SORCS2: variants seen among roughly 807,000 people sequenced by gnomAD.
SORCS2 encodes the protein VPS10 domain-containing receptor SorCS2.
Under a neutral mutation model 141.6 loss-of-function variants are expected in SORCS2, and 100 were observed. The ratio of observed to expected loss-of-function variants is 0.71; its 90% confidence interval spans 0.60 to 0.83. The LOEUF (loss-of-function observed/expected upper bound fraction) is 0.83, where lower values mean the gene tolerates loss of function less well. Among genes scored for constraint, SORCS2 ranks in the 40% least tolerant of loss-of-function variants. SORCS2 has a pLI of 0.00. For missense variants in SORCS2, 1,646 were observed against 1,560.2 expected, an observed-to-expected ratio of 1.05 and a Z score of -0.93; for synonymous variants, 789 against 676.9, an observed-to-expected ratio of 1.17 and a Z score of -2.57.
chr4:7,525,000 C>G (rs1215284109), intron 2 of SORCS2, among the ~76,000 whole-genome samples: 2 of 152,250 alleles, frequency 1.3e-5, no homozygotes, highest in Admixed American at 1.3e-4. Flanking sequence ...GGGAGCTTAA[C>G]TCGGGTCCTC....
chr4:7,522,663 T>C (rs1733403660), intron 2 of SORCS2, among the ~76,000 whole-genome samples: 3 of 147,278 alleles, frequency 2.0e-5, no homozygotes, highest in South Asian at 4.5e-4. Flanking sequence ...CCTCCTTCTT[T>C]CCTCCTCCCT....
chr4:7,294,415 C>G (rs1007766717), intron 1 of SORCS2, among the ~76,000 whole-genome samples: 1 of 152,004 alleles, frequency 6.6e-6, no homozygotes, highest in Non-Finnish European at 1.5e-5. Flanking sequence ...TGTGTCTCCC[C>G]GCAGCCGACC....
chr4:7,390,959 G>C (rs950199130), intron 1 of SORCS2, among the ~76,000 whole-genome samples: 2 of 152,190 alleles, frequency 1.3e-5, no homozygotes, highest in African/African-American at 4.8e-5. Flanking sequence ...AAACGTGCCA[G>C]TGACCACTCA....
At chr4:7,308,249 C>G (rs1717961259) in intron 1 of SORCS2, among the ~76,000 whole-genome samples, 1 of 152,190 alleles carries the variant, frequency 6.6e-6, no homozygotes, top group Admixed American at 6.5e-5. Flanking sequence ...GAGGTCAGTG[C>G]CCGGTGGGGC....
At chr4:7,516,112 C>T (rs999678267) in intron 2 of SORCS2, among the ~76,000 whole-genome samples, 8 of 152,150 alleles carry the variant, frequency 5.3e-5, no homozygotes, top group African/African-American at 7.2e-5. Context: ...CCGCATTTAC[C>T]GGTACTCACT....
At chr4:7,627,295 T>C (rs908576919) in intron 3 of SORCS2, among the ~76,000 whole-genome samples, 4 of 151,896 alleles carry the variant, frequency 2.6e-5, no homozygotes, top group African/African-American at 7.3e-5. Flanking sequence ...TTTTCGTGGG[T>C]TTTTAAAAAT....
At chr4:7,263,600 C>T (rs150715730) in intron 1 of SORCS2, among the ~76,000 whole-genome samples, 1 of 152,226 alleles carries the variant, frequency 6.6e-6, no homozygotes, top group Non-Finnish European at 1.5e-5. Context: ...GGCCAAGAAG[C>T]CTTGTTCAGC....
intron 6 of SORCS2, among the ~76,000 whole-genome samples, chr4:7,662,615 T>C (rs1334811257): frequency 6.6e-6 from 1 of 152,212 alleles, no homozygotes; most frequent in Non-Finnish European, 1.5e-5. Context: ...CAAAATAACA[T>C]GTGCTACAGA....
At position 7,233,135 on chromosome 4, in the gene SORCS2, C is replaced by T. The variant is rs1577304864; in HGVS notation, c.480+40009C>T. On this transcript the variant is annotated intron_variant, in intron 1 of 26. Coordinates refer to ENST00000507866, the MANE Select transcript of SORCS2 (RefSeq NM_020777.3). This position sits in a 1 kb window ranked among gnomAD's most constrained non-coding sequence, Gnocchi z 4.5. ...TGGAGGAGGCTGGGCTGGGCACAGGCGAGTCCCCAAGGTACCCGAGGGAGG... is the reference window on the plus strand; with the variant it reads ...TGGAGGAGGCTGGGCTGGGCACAGGTGAGTCCCCAAGGTACCCGAGGGAGG... 1.3e-5 allele frequency among the ~76,000 whole-genome samples: 2 copies of T among 152,262 alleles called. No homozygotes were observed. The highest frequency in any genetic ancestry group is 3.9e-4 in the East Asian group (2 of 5,174).
chr4:7,493,174 A>G (rs762937866), intron 2 of SORCS2, among the ~76,000 whole-genome samples: 32 of 152,174 alleles, frequency 2.1e-4, no homozygotes, highest in Non-Finnish European at 4.4e-4. Context: ...AGAGGATGAG[A>G]ATCTCAGGTG....
chr4:7,634,439 A>G (rs1158853688), intron 3 of SORCS2, among the ~76,000 whole-genome samples: 9 of 152,094 alleles, frequency 5.9e-5, no homozygotes, highest in Non-Finnish European at 2.9e-5. Flanking sequence ...CACAAAGCCC[A>G]GCTAAAAGGG....
chr4:7,349,684 G>A lies in SORCS2; in HGVS notation c.481-46604G>A, dbSNP rs562017017. The stretch of plus-strand genomic sequence containing the variant: ...TGGACGTGAGGCTCACCCAGTGGGT[G>A]GCTTTTGGGCCACACCAGTGCCCAG... On this transcript the variant is annotated intron_variant, in intron 1 of 26. Coordinates refer to ENST00000507866, the MANE Select transcript of SORCS2 (RefSeq NM_020777.3). Among the ~76,000 whole-genome samples the A allele has an allele frequency of 1.1e-4, 17 of 152,334 alleles. No individual in the cohort carries two copies. The East Asian group carries it at 3.1e-3, about 28-fold the overall frequency.
At chr4:7,573,267 A>G (rs1460082825) in intron 3 of SORCS2, among the ~76,000 whole-genome samples, 1 of 152,210 alleles carries the variant, frequency 6.6e-6, no homozygotes, top group East Asian at 1.9e-4. Context: ...ACTCATTTCA[A>G]AAGTCTCCTA....
At chr4:7,279,976 A>G (rs1715763632) in intron 1 of SORCS2, among the ~76,000 whole-genome samples, 1 of 151,236 alleles carries the variant, frequency 6.6e-6, no homozygotes, top group Non-Finnish European at 1.5e-5. Context: ...CTTAAACTTC[A>G]GACCTCAAAG....
chr4:7,307,761 G>A (rs1192697293), intron 1 of SORCS2, among the ~76,000 whole-genome samples: 1 of 152,176 alleles, frequency 6.6e-6, no homozygotes, highest in Non-Finnish European at 1.5e-5. Context: ...TCATGAGTGT[G>A]TGTGCCCATG....
At chr4:7,455,905 G>A (rs1308208222) in intron 2 of SORCS2, among the ~76,000 whole-genome samples, 1 of 152,180 alleles carries the variant, frequency 6.6e-6, no homozygotes, top group African/African-American at 2.4e-5. Context: ...AGCATCAGAT[G>A]CTGTGTTAGT....
chr4:7,418,708 C>CCG (rs923273421), intron 2 of SORCS2, among the ~76,000 whole-genome samples: 2 of 115,828 alleles, frequency 1.7e-5, no homozygotes, highest in Non-Finnish European at 3.9e-5. Flanking sequence ...AATGACCCCC[C>CCG]CCCCCACCAG....
intron 3 of SORCS2, among the ~76,000 whole-genome samples, chr4:7,532,141 G>A (rs908815186): frequency 3.3e-5 from 5 of 152,086 alleles, no homozygotes; most frequent in South Asian, 2.1e-4. Flanking sequence ...GGGTCTTTCC[G>A]AGGCTACCCA....
intron 26 of SORCS2, among the ~76,000 whole-genome samples, chr4:7,737,559 A>G (rs1712293082): frequency 6.6e-6 from 1 of 152,142 alleles, no homozygotes; most frequent in Non-Finnish European, 1.5e-5. Flanking sequence ...CAACACTCCC[A>G]GTCCTCCACT....
Sources: gnomAD v4.1 joint callset for allele counts (sites outside exome capture counted in the v4.1 genomes callset) on GRCh38, gnomAD v4.1.1 for gene constraint, Gnocchi (gnomAD v3.1) non-coding constraint, MANE v1.5 for transcripts, NCBI Gene and HGNC (gene_info 2026-07-23, HGNC 2026-07-21) for gene names.